The following CNTNAP2 variants were observed in gnomAD, a reference collection of about 807,000 sequenced individuals.
CNTNAP2 encodes contactin-associated protein-like 2.
A neutral mutation model predicts 155.2 loss-of-function variants in CNTNAP2; 98 were observed. The ratio of observed to expected loss-of-function variants is 0.63; its 90% CI spans 0.54 to 0.75. The LOEUF is 0.75. CNTNAP2 is among the 30% of genes least tolerant of loss of function. The pLI is 0.00. For missense variants in CNTNAP2, 1,727 were observed against 1,688.1 expected, an observed-to-expected ratio of 1.02 and a Z score of -0.40; for synonymous variants, 651 against 631.2, an observed-to-expected ratio of 1.03 and a Z score of -0.47.
intron 12 of CNTNAP2, among the ~76,000 whole-genome samples, chr7:147,575,198 GTGTGTAT>G (rs1800368471): frequency 3.7e-5 from 1 of 27,330 alleles, no homozygotes; most frequent in Non-Finnish European, 7.5e-5. Flanking sequence ...GTGTGTGTGT[GTGTGTAT>G]TCCCTAGCTT....
intron 20 of CNTNAP2, among the ~76,000 whole-genome samples, chr7:148,252,453 G>A (rs141229228): frequency 6.6e-6 from 1 of 152,252 alleles, no homozygotes; most frequent in Non-Finnish European, 1.5e-5. Context: ...GCTTCCAGGT[G>A]CTTTCTTCTG....
chr7:147,709,649 G>C (rs994625236), intron 13 of CNTNAP2, among the ~76,000 whole-genome samples: 1 of 152,058 alleles, frequency 6.6e-6, no homozygotes, highest in African/African-American at 2.4e-5. Flanking sequence ...GATACATACC[G>C]AGCAGCCTTG....
chr7:146,216,556 C>T (rs1799116709), intron 1 of CNTNAP2, among the ~76,000 whole-genome samples: 1 of 152,140 alleles, frequency 6.6e-6, no homozygotes, highest in African/African-American at 2.4e-5. Flanking sequence ...ATCTGTTTCT[C>T]CCACAGGGCT....
At chr7:147,125,870 T>C (rs573121654) in intron 6 of CNTNAP2, among the ~76,000 whole-genome samples, 13 of 152,340 alleles carry the variant, frequency 8.5e-5, no homozygotes, top group African/African-American at 3.1e-4. Context: ...GATGCACGTT[T>C]ATTCTCCTTT....
At chr7:147,426,156 C>A (rs1797374227) in intron 10 of CNTNAP2, among the ~76,000 whole-genome samples, 1 of 150,280 alleles carries the variant, frequency 6.7e-6, no homozygotes. Flanking sequence ...GGAGGGTGTA[C>A]TTTACCTTTA....
At chr7:148,361,891 G>A (rs1798627978) in intron 21 of CNTNAP2, among the ~76,000 whole-genome samples, 1 of 152,110 alleles carries the variant, frequency 6.6e-6, no homozygotes, top group African/African-American at 2.4e-5. Context: ...AATGCCAGAC[G>A]CTTATAAAAC....
chr7:146,594,000 T>C (rs6976777), intron 1 of CNTNAP2, among the ~76,000 whole-genome samples: 68,917 of 152,026 alleles, frequency 0.45, 16,634 homozygotes, highest in South Asian at 0.57. Flanking sequence ...CTCCAGGTGA[T>C]GTGAAGGGAA....
In CNTNAP2 at chr7:147,794,621, G is replaced by A. The variant is rs140065305; in HGVS notation, c.2099-108944G>A. ...TTTTTTCTGGTGATGTCTTTTTCTC[G>A]TTTCAGCATGAGGGTAATAATAGCC... On this transcript the variant is annotated intron_variant, in intron 13 of 23. Coordinates refer to ENST00000361727, the MANE Select transcript of CNTNAP2 (RefSeq NM_014141.6). Among the ~76,000 whole-genome samples the A allele has an allele frequency of 8.3e-4, 126 of 151,532 alleles. 1 individual carries two copies. In the East Asian group the frequency reaches 0.018, roughly 21 times the overall value.
At chr7:146,552,284 C>T (rs1365713379) in intron 1 of CNTNAP2, among the ~76,000 whole-genome samples, 1 of 152,086 alleles carries the variant, frequency 6.6e-6, no homozygotes, top group Non-Finnish European at 1.5e-5. Flanking sequence ...GAAAATTCCC[C>T]ACCTGCAACA....
intron 1 of CNTNAP2, among the ~76,000 whole-genome samples, chr7:146,484,372 A>T (rs1367668318): frequency 6.6e-6 from 1 of 152,218 alleles, no homozygotes; most frequent in African/African-American, 2.4e-5. Flanking sequence ...AGAAAATATT[A>T]TATTGGAAAA....
chr7:148,174,173 T>G (rs1794886851), intron 18 of CNTNAP2, among the ~76,000 whole-genome samples: 1 of 152,220 alleles, frequency 6.6e-6, no homozygotes, highest in African/African-American at 2.4e-5. Flanking sequence ...ACCAAAAAAT[T>G]TAAATAGAAG....
At chr7:147,555,864 T>A (rs1799942099) in intron 11 of CNTNAP2, among the ~76,000 whole-genome samples, 3 of 152,240 alleles carry the variant, frequency 2.0e-5, no homozygotes, top group African/African-American at 7.2e-5. Flanking sequence ...GCTCTTCTCC[T>A]AGGGAATAGG....
At chr7:146,555,212 A>G (rs896348427) in intron 1 of CNTNAP2, among the ~76,000 whole-genome samples, 23 of 152,134 alleles carry the variant, frequency 1.5e-4, no homozygotes, top group African/African-American at 4.8e-4. Flanking sequence ...AAAGCTAAAG[A>G]TGCAGTGTGA....
At chr7:148,098,444 G>GAAAAAAAAA (rs61014019) in intron 15 of CNTNAP2, among the ~76,000 whole-genome samples, 7 of 56,406 alleles carry the variant, frequency 1.2e-4, no homozygotes, top group African/African-American at 4.0e-4. Flanking sequence ...CTCTGTCTCA[G>GAAAAAAAAA]AAAAAAAAAA....
intron 1 of CNTNAP2, among the ~76,000 whole-genome samples, chr7:146,306,697 T>C (rs1800719105): frequency 6.6e-6 from 1 of 152,198 alleles, no homozygotes; most frequent in Non-Finnish European, 1.5e-5. Flanking sequence ...TCAATAAATG[T>C]AATCCAGCAT....
At chr7:146,456,047 T>C (rs1460434035) in intron 1 of CNTNAP2, among the ~76,000 whole-genome samples, 2 of 151,596 alleles carry the variant, frequency 1.3e-5, no homozygotes, top group Non-Finnish European at 2.9e-5. Context: ...AAGTGGAGAG[T>C]TTTTTCTTAA....
intron 1 of CNTNAP2, among the ~76,000 whole-genome samples, chr7:146,208,296 T>C (rs1021504426): frequency 6.6e-6 from 1 of 152,056 alleles, no homozygotes; most frequent in African/African-American, 2.4e-5. Flanking sequence ...TTTAACTTAA[T>C]ACTCAATATG....
intron 17 of CNTNAP2, among the ~76,000 whole-genome samples, chr7:148,152,887 G>A (rs1267545263): frequency 2.0e-5 from 3 of 151,916 alleles, no homozygotes; most frequent in Non-Finnish European, 2.9e-5. Context: ...CAGGTGTAGT[G>A]GCAGGCGCCT....
At chr7:146,780,334 C>G (rs942496101) in intron 2 of CNTNAP2, among the ~76,000 whole-genome samples, 3 of 152,050 alleles carry the variant, frequency 2.0e-5, no homozygotes, top group African/African-American at 7.2e-5. Context: ...TGCAGGCGCC[C>G]GCCACCATGC....
Sources: allele counts gnomAD v4.1 joint callset (sites outside exome capture counted in the v4.1 genomes callset), GRCh38; gene constraint gnomAD v4.1.1; transcripts MANE v1.5; gene names NCBI Gene and HGNC (gene_info 2026-07-23, HGNC 2026-07-21).